NME1: variants seen among roughly 807,000 people sequenced by gnomAD.
NME1 encodes nucleoside diphosphate kinase A.
Under a neutral mutation model 17.2 loss-of-function variants are expected in NME1, and 9 were observed. The observed-to-expected ratio is 0.52, with a 90% CI of 0.32 to 0.92. The LOEUF is 0.92. Ranked by LOEUF, NME1 falls within the 40% of genes least tolerant of loss-of-function variation. NME1 has a pLI of 0.04. For synonymous variants in NME1, 72 were observed against 70.8 expected (o/e 1.02, Z -0.09); for missense variants, 169 against 201.7 (o/e 0.84, Z 0.98).
intron 3 of NME1, 67 bp downstream of exon 3, chr17:51,160,148 G>T: frequency 1.3e-6 from 2 of 1,556,984 alleles, no homozygotes; most frequent in South Asian, 1.1e-5. Context: ...CTCTCTTCTA[G>T]ACACTGGGGA....
chr17:51,155,573 G>C (rs1409017152), intron 1 of NME1, 78 bp from the exon 2 acceptor site: 4 of 1,591,986 alleles, frequency 2.5e-6, no homozygotes, highest in Non-Finnish European at 3.4e-6. Flanking sequence ...CAGCTTTATG[G>C]GATAATCCGC....
intron 2 of NME1, 106 bp from the exon 3 acceptor site, chr17:51,159,874 C>T: frequency 6.0e-6 from 8 of 1,338,362 alleles, no homozygotes; most frequent in Non-Finnish European, 7.5e-6. Flanking sequence ...ATCAGTGAGC[C>T]CAACCGCTCA....
intron 2 of NME1, among the ~76,000 whole-genome samples, chr17:51,159,319 G>A (rs1354892304): frequency 6.6e-6 from 1 of 152,214 alleles, no homozygotes; most frequent in African/African-American, 2.4e-5. Flanking sequence ...AGCCAGGTAT[G>A]GCTGGGCGCG....
At chr17:51,159,200 G>T (rs985351988) in intron 2 of NME1, among the ~76,000 whole-genome samples, 1 of 151,964 alleles carries the variant, frequency 6.6e-6, no homozygotes, top group Non-Finnish European at 1.5e-5. Flanking sequence ...ACGCCTGTAA[G>T]CCCAGCACTT....
chr17:51,160,101 A>T lies in NME1; in HGVS notation c.228+20A>T. 6.2e-7 allele frequency: 1 copy of T among 1,613,482 alleles called. No homozygotes were observed. The highest frequency in any genetic ancestry group is 8.5e-7 in the Non-Finnish European group (1 of 1,179,570). On this transcript the variant is annotated intron_variant, in intron 3 of 4. Coordinates refer to ENST00000393196, the MANE Select transcript of NME1 (RefSeq NM_000269.3). ...GCCATGGTGAGTGTGCCTGTGTGGG[A>T]TACTCCAAGTATGCATTGCTTGTCA...
chr17:51,154,428 T>C (rs1568119601), intron 1 of NME1: 5 of 1,613,900 alleles, frequency 3.1e-6, no homozygotes, highest in Non-Finnish European at 4.2e-6. Flanking sequence ...GCCTCCTATC[T>C]CAAGCTGTGA....
rs1015849536 is a variant in NME1 at position 51,155,700 on chromosome 17, G to T, written c.46G>T (p.Val16Phe). The change falls in exon 2 of 5, where the codon GTC (valine) becomes TTC (phenylalanine). Residue 16 changes from valine to phenylalanine, a missense_variant. Coordinates refer to ENST00000393196, the MANE Select transcript of NME1 (RefSeq NM_000269.3). ...CTTCATTGCGATCAAACCAGATGGG[G>T]TCCAGCGGGGTCTTGTGGGAGAGAT... ...RTFIAIKPDG[V>F]QRGLVGEIIK... 1 of 1,614,204 alleles carries T rather than the reference G, an allele frequency of 6.2e-7. No homozygotes were observed. The highest frequency in any genetic ancestry group is 8.5e-7 in the Non-Finnish European group (1 of 1,180,018).
At chr17:51,160,327 A>C (rs2049846830) in intron 3 of NME1, 2 of 580,454 alleles carry the variant, frequency 3.4e-6, no homozygotes, top group Non-Finnish European at 6.3e-6. Context: ...GAATGACAAG[A>C]AGCAGCGATC....
intron 2 of NME1, 75 bp downstream of exon 2, chr17:51,155,855 C>T (rs1558254): frequency 0.093 from 148,296 of 1,596,444 alleles, 7,653 homozygotes; most frequent in Non-Finnish European, 0.1. Flanking sequence ...TGTTTCTCCC[C>T]GTCTTTCTTA....
intron 3 of NME1, 46 bp from the exon 4 acceptor site, chr17:51,161,114 T>C (rs541822014): frequency 1.9e-6 from 3 of 1,564,076 alleles, no homozygotes; most frequent in African/African-American, 1.4e-5. Flanking sequence ...GATTTTCTGC[T>C]GTGATTGGTT....
At chr17:51,160,766 C>T (rs1286571419) in intron 3 of NME1, among the ~76,000 whole-genome samples, 3 of 152,076 alleles carry the variant, frequency 2.0e-5, no homozygotes, top group African/African-American at 2.4e-5. Context: ...CCCGCCACCA[C>T]GCCCAGCTAA....
At chr17:51,157,795 G>T (rs534408323) in intron 2 of NME1, among the ~76,000 whole-genome samples, 2 of 152,274 alleles carry the variant, frequency 1.3e-5, no homozygotes, top group South Asian at 4.1e-4. Flanking sequence ...CCTGAGTGCA[G>T]ATACTTTCTC....
chr17:51,160,913 A>G (rs2049855784), intron 3 of NME1, among the ~76,000 whole-genome samples: 1 of 152,078 alleles, frequency 6.6e-6, no homozygotes, highest in Admixed American at 6.6e-5. Context: ...CCCTGCCCAC[A>G]CTTGGCATTT....
rs2049842225 is a variant in NME1 at position 51,160,017 on chromosome 17, T to C, written c.164T>C (p.Leu55Pro). 3.1e-6 allele frequency: 5 copies of C among 1,614,102 alleles called. No individual in the cohort carries two copies. The highest frequency in any genetic ancestry group is 4.2e-6 in the Non-Finnish European group (5 of 1,179,972). The stretch of plus-strand genomic sequence containing the variant: ...CTTCTCAAGGAACACTACGTTGACC[T>C]GAAGGACCGTCCATTCTTTGCCGGC... ...EDLLKEHYVD[L>P]KDRPFFAGLV... Residue 55 changes from leucine (L) to proline (P), a missense_variant, in exon 3 of 5, where the codon CTG (leucine) becomes CCG (proline). Physicochemically the swap from Leu to Pro is moderately conservative, Grantham distance 98. Transcript: ENST00000393196.
At chr17:51,160,679 G>C (rs548717092) in intron 3 of NME1, 1 of 241,594 alleles carries the variant, frequency 4.1e-6, no homozygotes, top group East Asian at 1.0e-4. Flanking sequence ...GTGCCATCTC[G>C]TCTCACCGCA....
At chr17:51,161,650 G>A in intron 4 of NME1, 78 bp from the exon 5 acceptor site, 1 of 1,043,004 alleles carries the variant, frequency 9.6e-7, no homozygotes. Flanking sequence ...TTATGCTGCT[G>A]TGGCTGTAGA....
At chr17:51,159,920 A>G (rs56209259) in intron 2 of NME1, 60 bp from the exon 3 acceptor site, 147,949 of 1,599,078 alleles carry the variant, frequency 0.093, 7,633 homozygotes, top group Non-Finnish European at 0.1. Flanking sequence ...GGGAAATTAA[A>G]TGGATTATAT....
chr17:51,160,726 T>C (rs769185865), intron 3 of NME1: 4 of 306,510 alleles, frequency 1.3e-5, no homozygotes, highest in African/African-American at 2.2e-5. Context: ...TCTCCTGCCT[T>C]AGCCTCCTGA....
At chr17:51,159,940 T>C in intron 2 of NME1, 40 bp from the exon 3 acceptor site, 1 of 1,608,866 alleles carries the variant, frequency 6.2e-7, no homozygotes, top group Non-Finnish European at 8.5e-7. Context: ...TGTCCTTAGA[T>C]GGTTTGGGGG....
Sources: allele counts gnomAD v4.1 joint callset (sites outside exome capture counted in the v4.1 genomes callset), GRCh38; gene constraint gnomAD v4.1.1; transcripts MANE v1.5; gene names NCBI Gene and HGNC (gene_info 2026-07-23, HGNC 2026-07-21).